Variants in PDZD2 observed in about 807,000 individuals in gnomAD.
The protein encoded by PDZD2 is PDZ domain containing 2, also known as PDZ domain-containing protein 2.
A neutral mutation model predicts 220.7 loss-of-function variants in PDZD2; 90 were observed. That is an observed-to-expected ratio of 0.41 (90% confidence interval 0.34 to 0.49). The LOEUF (loss-of-function observed/expected upper bound fraction) is 0.49, where lower values mean the gene tolerates loss of function less well. Among genes scored for constraint, PDZD2 ranks in the 20% least tolerant of loss-of-function variants. The probability of loss-of-function intolerance (pLI) is 0.28; values close to 1 mark genes in which losing one functional copy is unlikely to be tolerated. For missense variants in PDZD2, 3,174 were observed against 3,608.5 expected (o/e 0.88, Z 3.08); for synonymous variants, 1,375 against 1,450.5 (o/e 0.95, Z 1.18).
chr5:31,760,336 G>A (rs1248474069), intron 1 of PDZD2, among the ~76,000 whole-genome samples: 1 of 152,194 alleles, frequency 6.6e-6, no homozygotes. Context: ...ATGAAACTAA[G>A]CCTAGAGGAA....
At chr5:32,014,702 A>ATTTTTTTTTT (rs1753603921) in intron 6 of PDZD2, among the ~76,000 whole-genome samples, 2 of 94,560 alleles carry the variant, frequency 2.1e-5, no homozygotes, top group Admixed American at 1.3e-4. Flanking sequence ...TGCAATGACA[A>ATTTTTTTTTT]TTTCTTTTTT....
intron 1 of PDZD2, among the ~76,000 whole-genome samples, chr5:31,683,971 A>AT (rs76925566): frequency 1.1e-3 from 173 of 150,558 alleles, no homozygotes; most frequent in African/African-American, 3.5e-3. Flanking sequence ...ACTCACCAGT[A>AT]TTTTTTTTTT....
chr5:32,071,380 A>G lies in PDZD2; in HGVS notation c.2534-4A>G, dbSNP rs370569131. On this transcript the variant is annotated splice_polypyrimidine_tract_variant and splice_region_variant and intron_variant, in intron 15 of 24. Coordinates refer to ENST00000438447, the MANE Select transcript of PDZD2 (RefSeq NM_178140.4). ...GACAATATGGTGAATTTTCCCTCCA[A>G]CAGGTACCCCCTTGAAGAGTCCCTC... 1 of 1,604,400 alleles carries G rather than the reference A, an allele frequency of 6.2e-7. No individual in the cohort carries two copies. Among genetic ancestry groups the G allele is most frequent in the Non-Finnish European group, 8.5e-7 (1 of 1,171,144 alleles).
chr5:31,698,596 C>T (rs1377427658), intron 1 of PDZD2, among the ~76,000 whole-genome samples: 3 of 144,024 alleles, frequency 2.1e-5, no homozygotes, highest in Admixed American at 6.9e-5. Flanking sequence ...GAGACTCTGT[C>T]TCAAAAAAAA....
chr5:31,711,785 G>A (rs768759285), intron 1 of PDZD2, among the ~76,000 whole-genome samples: 2 of 152,190 alleles, frequency 1.3e-5, no homozygotes, highest in African/African-American at 2.4e-5. Context: ...GCAGGGCGAG[G>A]GTTATCTGCA....
intron 2 of PDZD2, among the ~76,000 whole-genome samples, chr5:31,963,155 G>A (rs138823759): frequency 4.4e-4 from 67 of 152,224 alleles, no homozygotes; most frequent in African/African-American, 1.6e-3. Flanking sequence ...TTCATGCTGT[G>A]GGCATTTTCT....
chr5:31,695,803 G>A (rs1172554293), intron 1 of PDZD2, among the ~76,000 whole-genome samples: 2 of 152,162 alleles, frequency 1.3e-5, no homozygotes, highest in Non-Finnish European at 2.9e-5. Context: ...TATCTTGAGA[G>A]CAGAATGTAG....
chr5:31,812,035 T>TAAATAAAA lies in PDZD2; in HGVS notation c.476+12314_476+12315insTAAAAAAA, dbSNP rs1372652679. ...ATAAATAAATAAATAAATAAATAAA[T>TAAATAAAA]AAAAATTCAAGCTCTGTTAAGTACA... is the stretch of plus-strand genomic sequence containing the variant. On this transcript the variant is annotated intron_variant, in intron 2 of 24. Coordinates refer to ENST00000438447, the MANE Select transcript of PDZD2 (RefSeq NM_178140.4). 6.3e-5 allele frequency among the ~76,000 whole-genome samples: 9 copies of TAAATAAAA among 143,684 alleles called. No individual in the cohort carries two copies. The East Asian group carries it at 9.7e-4, about 16-fold the overall frequency. The allele number at this position is 143,684 out of a possible 152,430, so 94.3% of individuals were successfully genotyped here.
chr5:31,692,325 C>T (rs35401946), intron 1 of PDZD2, among the ~76,000 whole-genome samples: 1 of 152,228 alleles, frequency 6.6e-6, no homozygotes, highest in Non-Finnish European at 1.5e-5. Context: ...GGCGCGGCCC[C>T]GGTTCCCGCC....
chr5:31,874,984 T>C (rs1739177856), intron 2 of PDZD2, among the ~76,000 whole-genome samples: 1 of 152,228 alleles, frequency 6.6e-6, no homozygotes, highest in African/African-American at 2.4e-5. Flanking sequence ...GTTTTGATGT[T>C]TAAATGCTAT....
rs1746143547 is a variant in PDZD2, at chr5:31,940,771, C to T, written c.477-42384C>T. Among the ~76,000 whole-genome samples, 4 of 152,144 alleles carry T rather than the reference C, an allele frequency of 2.6e-5. No homozygotes were observed. The South Asian group carries it at 6.2e-4, about 24-fold the overall frequency. On this transcript the variant is annotated intron_variant, in intron 2 of 24. Transcript: ENST00000438447. ...AGGCACGAAGTGGCCCTTGAGAATCCGTTTGGTAAAAAGTCTCTATTTCAG... is the reference window on the plus strand; with the variant it reads ...AGGCACGAAGTGGCCCTTGAGAATCTGTTTGGTAAAAAGTCTCTATTTCAG...
intron 1 of PDZD2, among the ~76,000 whole-genome samples, chr5:31,661,004 G>A (rs1402290165): frequency 2.0e-5 from 3 of 152,142 alleles, no homozygotes; most frequent in African/African-American, 7.2e-5. Context: ...AAAGTGCTGG[G>A]ATAACAGGCA....
chr5:31,850,899 G>A (rs550762688), intron 2 of PDZD2, among the ~76,000 whole-genome samples: 2 of 152,224 alleles, frequency 1.3e-5, no homozygotes, highest in East Asian at 1.9e-4. Flanking sequence ...GTCTTCCAAA[G>A]TGCTAGGATT....
intron 2 of PDZD2, among the ~76,000 whole-genome samples, chr5:31,930,630 T>C (rs1481217471): frequency 6.6e-6 from 1 of 152,140 alleles, no homozygotes; most frequent in Non-Finnish European, 1.5e-5. Flanking sequence ...TTCAAGCAGA[T>C]GTTATGTATT....
At chr5:31,735,419 G>T (rs1749800215) in intron 1 of PDZD2, among the ~76,000 whole-genome samples, 1 of 152,170 alleles carries the variant, frequency 6.6e-6, no homozygotes, top group Non-Finnish European at 1.5e-5. Flanking sequence ...AGAGTATGTA[G>T]CTTGATGGGA....
At chr5:31,799,755 G>T in intron 2 of PDZD2, 31 bp downstream of exon 2, 1 of 1,443,918 alleles carries the variant, frequency 6.9e-7, no homozygotes, top group South Asian at 1.1e-5. Flanking sequence ...CTGGCACAGG[G>T]GCTGGACACG....
intron 7 of PDZD2, among the ~76,000 whole-genome samples, chr5:32,039,033 AT>A (rs778225449): frequency 2.3e-4 from 35 of 152,140 alleles, no homozygotes; most frequent in Non-Finnish European, 4.4e-4. Context: ...CTCCAAGTTT[AT>A]TCTCAGAAAG....
At chr5:31,845,542 GCA>G (rs1324648392) in intron 2 of PDZD2, among the ~76,000 whole-genome samples, 1 of 152,208 alleles carries the variant, frequency 6.6e-6, no homozygotes, top group Non-Finnish European at 1.5e-5. Flanking sequence ...AACGTGTCCT[GCA>G]CAGATTAGAA....
chr5:31,991,923 C>A (rs1366585093), intron 3 of PDZD2, among the ~76,000 whole-genome samples: 1 of 152,134 alleles, frequency 6.6e-6, no homozygotes, highest in African/African-American at 2.4e-5. Flanking sequence ...ATCCCAGCTA[C>A]TCGGGAGGCT....
Sources: allele counts gnomAD v4.1 joint callset (sites outside exome capture counted in the v4.1 genomes callset), GRCh38; gene constraint gnomAD v4.1.1; transcripts MANE v1.5; gene names NCBI Gene and HGNC (gene_info 2026-07-23, HGNC 2026-07-21).